NKAIN3: variants seen among roughly 807,000 people sequenced by gnomAD.
NKAIN3 encodes sodium/potassium-transporting ATPase subunit beta-1-interacting protein 3.
Under a neutral mutation model 30.2 loss-of-function variants are expected in NKAIN3, and 25 were observed. The observed-to-expected ratio is 0.83, with a 90% CI of 0.60 to 1.16. NKAIN3 has a LOEUF of 1.16. NKAIN3 is among the 50% of genes most tolerant of loss of function. The pLI is 0.00. For synonymous variants in NKAIN3, 91 were observed against 89.6 expected, an observed-to-expected ratio of 1.02 and a Z score of -0.09; for missense variants, 225 against 254.1, an observed-to-expected ratio of 0.89 and a Z score of 0.78.
chr8:62,626,236 A>G (rs961888803), intron 3 of NKAIN3, among the ~76,000 whole-genome samples: 1 of 152,014 alleles, frequency 6.6e-6, no homozygotes, highest in African/African-American at 2.4e-5. Context: ...GAACGATTCA[A>G]CTCCCATTGA....
chr8:62,256,180 A>T (rs1003734704), intron 1 of NKAIN3, among the ~76,000 whole-genome samples: 2 of 151,916 alleles, frequency 1.3e-5, no homozygotes, highest in African/African-American at 4.8e-5. Context: ...TGGGAGACTG[A>T]GGGGGGAGGA....
At position 62,944,176 on chromosome 8, in the gene NKAIN3, T is replaced by C. The variant is rs576301039; in HGVS notation, c.533-9726T>C. On this transcript the variant is annotated intron_variant, in intron 5 of 6. Transcript: ENST00000623646. ...CATTGAAACATATATATATAACTATTATTTCCCTGTTGTCCTATGATGGCA... is the reference window on the plus strand; with the variant it reads ...CATTGAAACATATATATATAACTATCATTTCCCTGTTGTCCTATGATGGCA... 3.3e-5 allele frequency among the ~76,000 whole-genome samples: 5 copies of C among 152,110 alleles called. No homozygotes were observed. In the South Asian group the frequency reaches 6.2e-4, roughly 19 times the overall value.
chr8:62,251,258 C>A (rs1354045786), intron 1 of NKAIN3, among the ~76,000 whole-genome samples: 1 of 152,034 alleles, frequency 6.6e-6, no homozygotes, highest in African/African-American at 2.4e-5. Context: ...TGATGGTAAG[C>A]ATTTAACAAC....
chr8:62,619,878 C>A (rs1036663181), intron 3 of NKAIN3, among the ~76,000 whole-genome samples: 1 of 152,044 alleles, frequency 6.6e-6, no homozygotes, highest in Non-Finnish European at 1.5e-5. Flanking sequence ...TTGAATTAAT[C>A]GAGCACTATC....
chr8:62,420,859 T>C (rs1369544399), intron 1 of NKAIN3, among the ~76,000 whole-genome samples: 1 of 152,138 alleles, frequency 6.6e-6, no homozygotes, highest in Non-Finnish European at 1.5e-5. Context: ...CTTAACAAAA[T>C]TTTGCTAAAA....
At chr8:62,364,779 A>C (rs1437818764) in intron 1 of NKAIN3, among the ~76,000 whole-genome samples, 1 of 130,300 alleles carries the variant, frequency 7.7e-6, no homozygotes, top group Non-Finnish European at 1.6e-5. Flanking sequence ...CAGAGCTTGC[A>C]GATCGCGCTA....
chr8:62,718,093 C>G (rs1814962929), intron 3 of NKAIN3, among the ~76,000 whole-genome samples: 1 of 152,128 alleles, frequency 6.6e-6, no homozygotes, highest in South Asian at 2.1e-4. Context: ...ATAAACCTGT[C>G]AGATCTCATG....
chr8:62,261,133 G>A (rs1812426634), intron 1 of NKAIN3, among the ~76,000 whole-genome samples: 1 of 152,082 alleles, frequency 6.6e-6, no homozygotes, highest in South Asian at 2.1e-4. Context: ...GTACCAAATT[G>A]GAACTGATTC....
At chr8:62,735,563 A>T in intron 3 of NKAIN3, among the ~76,000 whole-genome samples, 1 of 151,882 alleles carries the variant, frequency 6.6e-6, no homozygotes. Flanking sequence ...CATTTTTTAA[A>T]TGTCTTTAAG....
At chr8:62,633,904 G>C (rs973946329) in intron 3 of NKAIN3, among the ~76,000 whole-genome samples, 4 of 152,112 alleles carry the variant, frequency 2.6e-5, no homozygotes, top group Non-Finnish European at 4.4e-5. Flanking sequence ...ATCTAAGAGA[G>C]TACAGCTGAT....
chr8:62,474,497 G>T (rs1806451869), intron 1 of NKAIN3, among the ~76,000 whole-genome samples: 1 of 152,120 alleles, frequency 6.6e-6, no homozygotes, highest in Non-Finnish European at 1.5e-5. Context: ...AGCTGGATTG[G>T]CAAACGTACA....
At chr8:62,295,609 CTT>C (rs1229561416) in intron 1 of NKAIN3, among the ~76,000 whole-genome samples, 2 of 152,060 alleles carry the variant, frequency 1.3e-5, no homozygotes. Flanking sequence ...TATTTCACAG[CTT>C]TTTTGGGGGA....
At position 62,984,270 on chromosome 8, in the gene NKAIN3, G is replaced by T. The variant is rs1268244606; in HGVS notation, c.*18863G>T. 2 of 152,166 alleles carry T rather than the reference G, an allele frequency of 1.3e-5. No homozygotes were observed. Among genetic ancestry groups the T allele is most frequent in the African/African-American group, 4.8e-5 (2 of 41,434 alleles). 9.4% of individuals were successfully genotyped at this position (152,166 alleles called of 1,614,324 possible). On this transcript the variant is annotated 3_prime_UTR_variant, in exon 7 of 7. Coordinates refer to ENST00000623646, the MANE Select transcript of NKAIN3 (RefSeq NM_001304533.3). The stretch of plus-strand genomic sequence containing the variant: ...ATGGAAAATATTGGAAGTACCTAGG[G>T]CATTTCATTATATTTCAAAGGCACA...
intron 4 of NKAIN3, among the ~76,000 whole-genome samples, chr8:62,848,333 A>G (rs753192527): frequency 6.6e-4 from 101 of 152,042 alleles, no homozygotes; most frequent in Non-Finnish European, 3.1e-4. Flanking sequence ...TATTTGTGTC[A>G]TCTCTGATTT....
chr8:62,628,640 A>G (rs1224788687), intron 3 of NKAIN3, among the ~76,000 whole-genome samples: 2 of 152,104 alleles, frequency 1.3e-5, no homozygotes, highest in African/African-American at 4.8e-5. Context: ...AGTATTATTT[A>G]TCTGTAATCT....
intron 3 of NKAIN3, among the ~76,000 whole-genome samples, chr8:62,695,091 T>A (rs927896411): frequency 1.3e-5 from 2 of 152,200 alleles, no homozygotes; most frequent in African/African-American, 4.8e-5. Flanking sequence ...ACTTTTCTAA[T>A]CCTCTCACCT....
At chr8:62,472,321 G>A (rs1168299456) in intron 1 of NKAIN3, among the ~76,000 whole-genome samples, 1 of 152,286 alleles carries the variant, frequency 6.6e-6, no homozygotes, top group East Asian at 1.9e-4. Flanking sequence ...AAGCTGAGTG[G>A]GGAAGCTGTG....
At chr8:62,776,662 T>C (rs1586184176) in intron 4 of NKAIN3, among the ~76,000 whole-genome samples, 1 of 152,162 alleles carries the variant, frequency 6.6e-6, no homozygotes, top group Non-Finnish European at 1.5e-5. Flanking sequence ...ATACCCTATG[T>C]CTTGAAAAGT....
intron 3 of NKAIN3, among the ~76,000 whole-genome samples, chr8:62,653,843 C>G (rs1454662167): frequency 6.6e-6 from 1 of 152,074 alleles, no homozygotes; most frequent in African/African-American, 2.4e-5. Flanking sequence ...AAACAAGAAA[C>G]CTTGTGATAT....
Sources: allele counts gnomAD v4.1 joint callset (sites outside exome capture counted in the v4.1 genomes callset), GRCh38; gene constraint gnomAD v4.1.1; transcripts MANE v1.5; gene names NCBI Gene and HGNC (gene_info 2026-07-23, HGNC 2026-07-21).